Variants in DOCK3 observed in about 807,000 individuals in gnomAD.
DOCK3 encodes dedicator of cytokinesis 3.
Under a neutral mutation model 265.6 loss-of-function variants are expected in DOCK3, and 60 were observed. The observed-to-expected ratio is 0.23, with a 90% CI of 0.18 to 0.28. The LOEUF is 0.28. Ranked by LOEUF, DOCK3 falls within the 10% of genes least tolerant of loss-of-function variation. The pLI, the probability that DOCK3 is intolerant of heterozygous loss-of-function variation, is 1.00. For synonymous variants in DOCK3, 881 were observed against 938.0 expected (o/e 0.94, Z 1.11); for missense variants, 1,981 against 2,594.3 (o/e 0.76, Z 5.14).
chr3:51,329,138 G>C (rs1272817450), intron 32 of DOCK3, among the ~76,000 whole-genome samples: 2 of 152,166 alleles, frequency 1.3e-5, no homozygotes, highest in African/African-American at 4.8e-5. Context: ...GACATAGTGA[G>C]ACTCCATCTC....
At chr3:51,265,128 T>C (rs1040582228) in intron 23 of DOCK3, among the ~76,000 whole-genome samples, 4 of 152,088 alleles carry the variant, frequency 2.6e-5, no homozygotes, top group African/African-American at 9.7e-5. Context: ...CCTGGACACA[T>C]GCGCCATCCC....
At chr3:50,898,924 G>A (rs1244292786) in intron 4 of DOCK3, among the ~76,000 whole-genome samples, 2 of 152,164 alleles carry the variant, frequency 1.3e-5, no homozygotes, top group African/African-American at 2.4e-5. Context: ...GAATAAGTGC[G>A]ATGTAGTGCT....
At chr3:51,194,827 T>C (rs1327109634) in intron 12 of DOCK3, among the ~76,000 whole-genome samples, 1 of 145,862 alleles carries the variant, frequency 6.9e-6, no homozygotes, top group Non-Finnish European at 1.5e-5. Context: ...AATATCTTTT[T>C]TTTTTTTTTT....
rs116760188 is a variant in DOCK3 at position 50,797,269 on chromosome 3, C to T, written c.121+18511C>T. Among the ~76,000 whole-genome samples the T allele has an allele frequency of 7.7e-3, 1,165 of 152,048 alleles. 18 individuals carry two copies. Among genetic ancestry groups the T allele is most frequent in the African/African-American group, 0.027 (1,119 of 41,480 alleles). On this transcript the variant is annotated intron_variant, in intron 2 of 52. Coordinates refer to ENST00000266037, the MANE Select transcript of DOCK3 (RefSeq NM_004947.5). ...TGGTGGTGTGAGGATGGAGGTGGGG[C>T]GCTGTCAGGCGCAGGCCTGTGTGTT...
intron 5 of DOCK3, among the ~76,000 whole-genome samples, chr3:51,044,488 T>A (rs2080677197): frequency 6.6e-6 from 1 of 151,860 alleles, no homozygotes; most frequent in African/African-American, 2.4e-5. Flanking sequence ...GTACTAGGCT[T>A]AATACTTGGG....
chr3:50,778,597 T>C, intron 1 of DOCK3, 78 bp from the exon 2 acceptor site: 2 of 1,043,780 alleles, frequency 1.9e-6, no homozygotes, highest in Non-Finnish European at 2.8e-6. Context: ...TAAGAAAATT[T>C]AGTGCTTAAT....
At chr3:51,307,727 C>A (rs190752896) in intron 27 of DOCK3, among the ~76,000 whole-genome samples, 7 of 151,864 alleles carry the variant, frequency 4.6e-5, no homozygotes, top group African/African-American at 1.7e-4. Context: ...GTGTGGCCTT[C>A]TAGATTCCCA....
In DOCK3 at chr3:51,174,238, A is replaced by G. The variant is rs117033200; in HGVS notation, c.1037+13536A>G. Among the ~76,000 whole-genome samples, 266 of 152,206 alleles carry G rather than the reference A, an allele frequency of 1.7e-3. 1 individual carries two copies. Among genetic ancestry groups the G allele is most frequent in the African/African-American group, 5.9e-3 (244 of 41,544 alleles). ...GGGAGGCTGAGGTTAGGCGGATCACATGAGGTCAGGAGTTCAAGACCATCC... is the reference window on the plus strand; with the variant it reads ...GGGAGGCTGAGGTTAGGCGGATCACGTGAGGTCAGGAGTTCAAGACCATCC... On this transcript the variant is annotated intron_variant, in intron 12 of 52. Coordinates refer to ENST00000266037, the MANE Select transcript of DOCK3 (RefSeq NM_004947.5).
chr3:51,293,358 C>T (rs952164593), intron 27 of DOCK3, among the ~76,000 whole-genome samples: 1 of 151,968 alleles, frequency 6.6e-6, no homozygotes, highest in African/African-American at 2.4e-5. Flanking sequence ...ACAAAGATGC[C>T]AAGAACACAC....
chr3:51,069,371 G>T (rs2081754239), intron 6 of DOCK3, among the ~76,000 whole-genome samples: 1 of 151,970 alleles, frequency 6.6e-6, no homozygotes. Flanking sequence ...CTCTAAAGAT[G>T]CTAAGTTTCT....
intron 9 of DOCK3, among the ~76,000 whole-genome samples, chr3:51,123,226 A>C (rs2084113432): frequency 6.6e-6 from 1 of 152,148 alleles, no homozygotes; most frequent in Admixed American, 6.5e-5. Context: ...GCTTCAGCCC[A>C]TAAGTCAGAA....
intron 12 of DOCK3, among the ~76,000 whole-genome samples, chr3:51,189,099 A>G (rs2087786204): frequency 1.3e-5 from 2 of 152,114 alleles, no homozygotes; most frequent in East Asian, 1.9e-4. Flanking sequence ...ATCCATGCAA[A>G]CATCTGTTAT....
chr3:51,361,913 T>C lies in DOCK3; in HGVS notation c.5061T>C (p.His1687=), dbSNP rs1158857875. 5.6e-6 allele frequency: 9 copies of C among 1,613,238 alleles called. No individual in the cohort carries two copies. Among genetic ancestry groups the C allele is most frequent in the Non-Finnish European group, 7.6e-6 (9 of 1,179,644 alleles). ...GRHSSSSLSS[H]ASSEAGNMVM... ...ATTCATCATCCTCTCTCTCCTCACA[T>C]GCGTCTAGTGAAGCAGGAAACATGG... Residue 1687 remains histidine (H), a synonymous_variant, in exon 48 of 53, where the codon CAT becomes CAC. Coordinates refer to ENST00000266037, the MANE Select transcript of DOCK3 (RefSeq NM_004947.5). This position sits in a 1 kb window ranked among gnomAD's most constrained non-coding sequence, Gnocchi z 4.2.
chr3:50,925,951 C>T (rs914314354), intron 4 of DOCK3, among the ~76,000 whole-genome samples: 3 of 151,122 alleles, frequency 2.0e-5, no homozygotes, highest in African/African-American at 7.3e-5. Context: ...CCTGCCTCAG[C>T]CTCCTGAGTA....
chr3:51,163,429 G>A (rs2086231064), intron 12 of DOCK3, among the ~76,000 whole-genome samples: 1 of 151,162 alleles, frequency 6.6e-6, no homozygotes, highest in Non-Finnish European at 1.5e-5. Flanking sequence ...GCAATAAGAA[G>A]CTGAGGCATG....
rs759093353 is a variant in DOCK3 at position 50,820,346 on chromosome 3, G to A, written c.122-21329G>A. Among the ~76,000 whole-genome samples, 13 of 152,244 alleles carry A rather than the reference G, an allele frequency of 8.5e-5. No homozygotes were observed. In the East Asian group the frequency reaches 2.1e-3, roughly 25 times the overall value. On this transcript the variant is annotated intron_variant, in intron 2 of 52. Transcript: ENST00000266037. ...CGATCATGTATCATTTTTTATCAGT[G>A]GGGTCTTTGTGACCCTTACGTTGCA... is the stretch of plus-strand genomic sequence containing the variant.
intron 4 of DOCK3, among the ~76,000 whole-genome samples, chr3:50,914,940 T>C (rs2050041617): frequency 6.6e-6 from 1 of 152,114 alleles, no homozygotes; most frequent in African/African-American, 2.4e-5. Context: ...TTGAAGTGGC[T>C]GTGGGACTAG....
chr3:51,027,690 A>C (rs1173448881), intron 5 of DOCK3, among the ~76,000 whole-genome samples: 2 of 152,066 alleles, frequency 1.3e-5, no homozygotes, highest in Non-Finnish European at 2.9e-5. Flanking sequence ...ATCATTATGT[A>C]ATGCCCTTCT....
At chr3:51,203,745 C>T (rs550197127) in intron 12 of DOCK3, among the ~76,000 whole-genome samples, 3,694 of 152,244 alleles carry the variant, frequency 0.024, 178 homozygotes, top group African/African-American at 0.084. Flanking sequence ...GGAGGCATCA[C>T]GCTACCTGAC....
Sources: gnomAD v4.1 joint callset for allele counts (sites outside exome capture counted in the v4.1 genomes callset) on GRCh38, gnomAD v4.1.1 for gene constraint, Gnocchi (gnomAD v3.1) non-coding constraint, MANE v1.5 for transcripts, NCBI Gene and HGNC (gene_info 2026-07-23, HGNC 2026-07-21) for gene names.